LAMA3: variants seen among roughly 807,000 people sequenced by gnomAD.
LAMA3 encodes laminin subunit alpha-3.
A neutral mutation model predicts 402.0 loss-of-function variants in LAMA3; 281 were observed. The ratio of observed to expected loss-of-function variants is 0.70; its 90% CI spans 0.63 to 0.77. The LOEUF (loss-of-function observed/expected upper bound fraction) is 0.77. Ranked by LOEUF, LAMA3 falls within the 30% of genes least tolerant of loss-of-function variation. The pLI, the probability that LAMA3 is intolerant of heterozygous loss-of-function variation, is 0.00. For synonymous variants in LAMA3, 1,431 were observed against 1,558.4 expected (o/e 0.92, Z 1.93); for missense variants, 3,840 against 4,215.5 (o/e 0.91, Z 2.47).
chr18:23,896,720 A>G lies in LAMA3; in HGVS notation c.5613+1662A>G, dbSNP rs1003269746. Among the ~76,000 whole-genome samples the G allele has an allele frequency of 2.6e-5, 4 of 152,196 alleles. No homozygotes were observed. The East Asian group carries it at 5.8e-4, about 22-fold the overall frequency. On this transcript the variant is annotated intron_variant, in intron 44 of 74. Coordinates refer to ENST00000313654, the MANE Select transcript of LAMA3 (RefSeq NM_198129.4). ...CACATGAGAGCCTAGCAAAGCTTAC[A>G]GGGGCAGGACAAATCTACAGACCTG...
rs1018517774 is a variant in LAMA3 at position 23,872,861 on chromosome 18, C to T, written c.4998+1200C>T. ...CAGGAATTACAGAGCGGTGCGCTTA[C>T]CTGCGGGACTGTTATGTGCGCTCTG... On this transcript the variant is annotated intron_variant, in intron 38 of 74. Transcript: ENST00000313654. 3 of 647,164 alleles carry T rather than the reference C, an allele frequency of 4.6e-6. No homozygotes were observed. In the African/African-American group the frequency reaches 5.4e-5, roughly 12 times the overall value. The allele number at this position is 647,164 out of a possible 1,614,324, so 40.1% of individuals were successfully genotyped here.
chr18:23,908,538 A>G (rs1379495505), intron 54 of LAMA3, among the ~76,000 whole-genome samples: 1 of 150,556 alleles, frequency 6.6e-6, no homozygotes, highest in Non-Finnish European at 1.5e-5. Context: ...TCAAACAAAA[A>G]AAAAAAAAAA....
At chr18:23,938,381 G>T (rs2082377592) in intron 67 of LAMA3, among the ~76,000 whole-genome samples, 1 of 152,178 alleles carries the variant, frequency 6.6e-6, no homozygotes, top group South Asian at 2.1e-4. Flanking sequence ...AAGAGGGGCA[G>T]GGCTGGGGAA....
In LAMA3 at chr18:23,689,807, G is replaced by GCGGC; in HGVS notation, c.128_131dup (p.Leu45ArgfsTer60). ...GGCGACCGCTCGGGATCCCGGGGCC[G>GCGGC]CGGCCGGGCTCAGCCTTCACCCGAC... On this transcript the variant is annotated frameshift_variant, in exon 1 of 75. Transcript: ENST00000313654. LOFTEE classifies it high-confidence loss of function. The GCGGC allele has an allele frequency of 6.5e-7, 1 of 1,537,318 alleles. No homozygotes were observed. Among genetic ancestry groups the GCGGC allele is most frequent in the South Asian group, 1.2e-5 (1 of 82,586 alleles).
chr18:23,757,756 C>T (rs975709736), intron 6 of LAMA3, among the ~76,000 whole-genome samples: 2 of 152,186 alleles, frequency 1.3e-5, no homozygotes, highest in Admixed American at 6.5e-5. Flanking sequence ...AACCCAAAGC[C>T]AAGGCTGAAA....
At chr18:23,822,129 G>A in intron 19 of LAMA3, 123 bp from the exon 20 acceptor site, 1 of 980,576 alleles carries the variant, frequency 1.0e-6, no homozygotes, top group Non-Finnish European at 1.6e-6. Context: ...GAGTGTGTAT[G>A]TGTGTGTATG....
intron 73 of LAMA3, among the ~76,000 whole-genome samples, chr18:23,952,379 G>A (rs1434462018): frequency 3.9e-5 from 6 of 152,120 alleles, no homozygotes; most frequent in Non-Finnish European, 7.4e-5. Context: ...TAGACAACCC[G>A]ATGAGTAGAG....
In LAMA3 at chr18:23,889,439, G is replaced by A. The variant is rs114867293; in HGVS notation, c.5304-572G>A. On this transcript the variant is annotated intron_variant, in intron 41 of 74. Transcript: ENST00000313654. The stretch of plus-strand genomic sequence containing the variant: ...TAGCCAGAAATGGTGGCATGCACCT[G>A]TGGTCTGAGTTTCTTGGGAGGCTGA... Among the ~76,000 whole-genome samples, 283 of 152,082 alleles carry A rather than the reference G, an allele frequency of 1.9e-3. 1 individual carries two copies. Among genetic ancestry groups the A allele is most frequent in the African/African-American group, 6.7e-3 (277 of 41,456 alleles).
intron 65 of LAMA3, 142 bp from the exon 66 acceptor site, chr18:23,932,018 C>T: frequency 1.0e-6 from 1 of 991,674 alleles, no homozygotes. Flanking sequence ...AGTTGTAATG[C>T]TCTTTAAAAA....
chr18:23,785,528 G>C (rs762134048), intron 12 of LAMA3, among the ~76,000 whole-genome samples: 1 of 152,318 alleles, frequency 6.6e-6, no homozygotes, highest in Non-Finnish European at 1.5e-5. Flanking sequence ...CATATGTACT[G>C]ACAGGTAAAG....
At chr18:23,914,603 A>G in intron 57 of LAMA3, 42 bp downstream of exon 57, 7 of 1,611,582 alleles carry the variant, frequency 4.3e-6, no homozygotes, top group Non-Finnish European at 5.1e-6. Flanking sequence ...CCAAACTTCC[A>G]TGTATACATG....
At chr18:23,883,668 T>C (rs1217701095) in intron 40 of LAMA3, among the ~76,000 whole-genome samples, 1 of 152,200 alleles carries the variant, frequency 6.6e-6, no homozygotes, top group Non-Finnish European at 1.5e-5. Context: ...ATCCTGCAGC[T>C]TTATTTGTCA....
At chr18:23,828,286 A>C (rs1210736237) in intron 23 of LAMA3, among the ~76,000 whole-genome samples, 2 of 152,228 alleles carry the variant, frequency 1.3e-5, no homozygotes, top group Non-Finnish European at 2.9e-5. Flanking sequence ...CTACATTTCT[A>C]ACATTTTGAA....
chr18:23,953,124 G>T lies in LAMA3; in HGVS notation c.9856+15G>T. 1 of 1,613,516 alleles carries T rather than the reference G, an allele frequency of 6.2e-7. No homozygotes were observed. Among genetic ancestry groups the T allele is most frequent in the South Asian group, 1.1e-5 (1 of 91,040 alleles). On this transcript the variant is annotated intron_variant, in intron 74 of 74. Coordinates refer to ENST00000313654, the MANE Select transcript of LAMA3 (RefSeq NM_198129.4). ...AGGTGCTCCAGGTAACTCTTGTCCT[G>T]ACTTCTATAATGTGTTGCCCTGTGT...
In LAMA3 at chr18:23,839,898, T is replaced by C; in HGVS notation, c.3305T>C (p.Val1102Ala). 5.0e-6 allele frequency: 8 copies of C among 1,614,248 alleles called. No individual in the cohort carries two copies. The highest frequency in any genetic ancestry group is 6.8e-6 in the Non-Finnish European group (8 of 1,180,036). ...LPQQSSPSVD[V>A]LPGVTLKAPQ... ...CAGCAGTCGTCACCTTCTGTTGATG[T>C]TCTTCCTGGGGTCACCTTGAAGGCA... is the stretch of plus-strand genomic sequence containing the variant. Residue 1102 changes from valine (V) to alanine (A), a missense_variant, in exon 27 of 75, where the codon GTT becomes GCT. By Grantham distance (64) the Val-to-Ala change is moderately conservative (BLOSUM62 0). Coordinates refer to ENST00000313654, the MANE Select transcript of LAMA3 (RefSeq NM_198129.4). The surrounding 1 kb of genome is among the most constrained non-coding windows in gnomAD (Gnocchi z 4.5).
intron 12 of LAMA3, among the ~76,000 whole-genome samples, chr18:23,808,646 G>C (rs2063009833): frequency 1.3e-5 from 2 of 152,178 alleles, no homozygotes; most frequent in African/African-American, 4.8e-5. Context: ...GAAACTCCCA[G>C]GTAATTTGTA....
intron 8 of LAMA3, among the ~76,000 whole-genome samples, chr18:23,771,045 A>G (rs770952682): frequency 9.9e-5 from 15 of 152,196 alleles, no homozygotes; most frequent in South Asian, 2.1e-4. Flanking sequence ...CACCTATCCC[A>G]TGACTCACAA....
At position 23,819,850 on chromosome 18, in the gene LAMA3, C is replaced by G; in HGVS notation, c.2157C>G (p.Asn719Lys). 3 of 1,614,010 alleles carry G rather than the reference C, an allele frequency of 1.9e-6. No homozygotes were observed. In the South Asian group the frequency reaches 3.3e-5, roughly 18 times the overall value. The change falls in exon 19 of 75, where the codon AAC (asparagine) becomes AAG (lysine). Residue 719 changes from asparagine (N) to lysine (K), a missense_variant. Around this residue, in one of 3 missense-constraint regions of LAMA3, gnomAD observed 2,109 missense variants for 2,376.0 expected, o/e 0.89. Coordinates refer to ENST00000313654, the MANE Select transcript of LAMA3 (RefSeq NM_198129.4). Reference sequence around the variant, plus strand: ...TTTTTAATTATGAAAGGCCTGAAAACAACTACTATTTCCCAGATTTGCATC... The same window carrying G: ...TTTTTAATTATGAAAGGCCTGAAAAGAACTACTATTTCCCAGATTTGCATC... ...VVGKVCQRPE[N>K]NYYFPDLHHM...
At chr18:23,748,803 A>T (rs1435716947) in intron 3 of LAMA3, among the ~76,000 whole-genome samples, 2 of 152,090 alleles carry the variant, frequency 1.3e-5, no homozygotes, top group African/African-American at 4.8e-5. Context: ...TTGGAAAAAA[A>T]AAAAAAAAGA....
Sources: gnomAD v4.1 joint callset for allele counts (sites outside exome capture counted in the v4.1 genomes callset) on GRCh38, gnomAD v4.1.1 for gene constraint, gnomAD v4.1.1 regional missense constraint, Gnocchi (gnomAD v3.1) non-coding constraint, MANE v1.5 for transcripts, NCBI Gene and HGNC (gene_info 2026-07-23, HGNC 2026-07-21) for gene names.